SLC16A8: variants seen among roughly 807,000 people sequenced by gnomAD.
SLC16A8 encodes monocarboxylate transporter 3.
Under a neutral mutation model 22.4 loss-of-function variants are expected in SLC16A8, and 20 were observed. The observed-to-expected ratio is 0.89, with a 90% CI of 0.63 to 1.30. The LOEUF (loss-of-function observed/expected upper bound fraction) is 1.30, where lower values mean the gene tolerates loss of function less well. SLC16A8 is among the 50% of genes most tolerant of loss of function. The pLI is 0.00. For missense variants in SLC16A8, 817 were observed against 740.3 expected (o/e 1.10, Z -1.20); for synonymous variants, 393 against 358.8 (o/e 1.10, Z -1.08).
rs776729902 is a variant in SLC16A8 at position 38,082,795 on chromosome 22, C to G, written c.79G>C (p.Val27Leu). The G allele has an allele frequency of 6.3e-7, 1 of 1,595,228 alleles. No homozygotes were observed. The highest frequency in any genetic ancestry group is 1.7e-5 in the Admixed American group (1 of 57,182). ...AAGCCGTAGGCGAAGCCGGTGACCA[C>G]AAAGCAGGCGCCCAGCACCACCCAG... ...WGWVVLGACF[V>L]VTGFAYGFPK... Residue 27 changes from valine to leucine, a missense_variant, in exon 3 of 6, where the codon GTG (valine) becomes CTG (leucine). Val to Leu is a conservative substitution (Grantham distance 32, BLOSUM62 1). Transcript: ENST00000681075.
In SLC16A8 at chr22:38,081,287, G is replaced by C. The variant is rs747183614; in HGVS notation, c.751C>G (p.Arg251Gly). ...RLLDLAVCTD[R>G]AFAVYAVTKF... is the part of the protein sequence containing the mutation. ...GTGACGGCGTACACGGCGAAGGCGC[G>C]GTCGGTGCACACTGCCAAGTCCAGC... The change falls in exon 5 of 6, where the codon CGC becomes GGC. Residue 251 changes from arginine to glycine, a missense_variant. Arg to Gly is a moderately radical substitution (Grantham distance 125). Coordinates refer to ENST00000681075, the MANE Select transcript of SLC16A8 (RefSeq NM_013356.3). The C allele has an allele frequency of 1.3e-6, 2 of 1,572,284 alleles. No individual in the cohort carries two copies. Among genetic ancestry groups the C allele is most frequent in the Admixed American group, 1.8e-5 (1 of 55,798 alleles).
Position 38,081,396 on chromosome 22 carries a change from CCCGGCGCGGTCG to C in SLC16A8, c.630_641del (p.Arg212_Asp215del), listed in dbSNP as rs995463527. 7.3e-7 allele frequency: 1 copy of C among 1,369,080 alleles called. No homozygotes were observed. Among genetic ancestry groups the C allele is most frequent in the Non-Finnish European group, 9.4e-7 (1 of 1,066,536 alleles). The allele number at this position is 1,369,080 out of a possible 1,614,324, so 84.8% of individuals were successfully genotyped here. On this transcript the variant is annotated inframe_deletion, in exon 5 of 6. Coordinates refer to ENST00000681075, the MANE Select transcript of SLC16A8 (RefSeq NM_013356.3). ...CAGCCTCCGCCTCGCCCGGAGCGTC[CCCGGCGCGGTCG>C]CCGGCGCTGTCCCTGCGCGGTCGCG...
chr22:38,082,126 G>A lies in SLC16A8; in HGVS notation c.215-94C>T, dbSNP rs543704073. ...TCCGGCTCAGGGACACAGAGAGGAG[G>A]GCAGTGTCTGGCCAAGGTCACACAG... On this transcript the variant is annotated intron_variant, in intron 3 of 5. Coordinates refer to ENST00000681075, the MANE Select transcript of SLC16A8 (RefSeq NM_013356.3). 1.7e-4 allele frequency: 234 copies of A among 1,367,490 alleles called. No individual in the cohort carries two copies. The East Asian group carries it at 5.1e-3, about 30-fold the overall frequency. 84.7% of individuals were successfully genotyped at this position (1,367,490 alleles called of 1,614,324 possible). A position where few individuals can be genotyped will look rare whatever the true frequency, so the allele number is the denominator to read the frequency against.
chr22:38,082,649 G>C lies in SLC16A8; in HGVS notation c.214+11C>G. On this transcript the variant is annotated intron_variant, in intron 3 of 5. Transcript: ENST00000681075. ...TCCCGGGGAGGCGGAGGGCCGGGCG[G>C]GGACACTGACCCGTGCCGTAGAGCA... 6.5e-7 allele frequency: 1 copy of C among 1,545,820 alleles called. No individual in the cohort carries two copies. Among genetic ancestry groups the C allele is most frequent in the Non-Finnish European group, 8.7e-7 (1 of 1,144,288 alleles).
chr22:38,082,745 G>A lies in SLC16A8; in HGVS notation c.129C>T (p.Phe43=). The A allele has an allele frequency of 1.3e-6, 2 of 1,593,200 alleles. No individual in the cohort carries two copies. Among genetic ancestry groups the A allele is most frequent in the South Asian group, 1.1e-5 (1 of 88,648 alleles). The change falls in exon 3 of 6, where the codon TTC becomes TTT. Residue 43 remains phenylalanine (F), a synonymous_variant. Coordinates refer to ENST00000681075, the MANE Select transcript of SLC16A8 (RefSeq NM_013356.3). The part of the protein sequence containing the change: ...YGFPKAVSVF[F]RALMRDFDAG... Reference sequence around the variant, plus strand: ...CGTCGAAGTCGCGCATGAGCGCGCGGAAGAAGACGCTCACGGCTTTGGGGA... The same window carrying A: ...CGTCGAAGTCGCGCATGAGCGCGCGAAAGAAGACGCTCACGGCTTTGGGGA...
chr22:38,079,369 G>A (rs2085887269), intron 5 of SLC16A8, among the ~76,000 whole-genome samples: 1 of 152,066 alleles, frequency 6.6e-6, no homozygotes, highest in South Asian at 2.1e-4. Context: ...CTCCCGACTT[G>A]GCCTCTCAAA....
Position 38,081,420 on chromosome 22 carries a change from C to T in SLC16A8, c.618G>A (p.Arg206=). 1 of 1,302,724 alleles carries T rather than the reference C, an allele frequency of 7.7e-7. No homozygotes were observed. The highest frequency in any genetic ancestry group is 1.6e-5 in the African/African-American group (1 of 64,442). The allele number at this position is 1,302,724 out of a possible 1,614,324, so 80.7% of individuals were successfully genotyped here. Residue 206 remains arginine (R), a synonymous_variant, in exon 5 of 6, where the codon AGG becomes AGA. Transcript: ENST00000681075. ...CCCCGGCGCGGTCGCCGGCGCTGTC[C>T]CTGCGCGGTCGCGGGCCCGGCCCGG... is the stretch of plus-strand genomic sequence containing the variant. ...PPPGPGPRPR[R]DSAGDRAGDA... is the part of the protein sequence containing the mutation.
At position 38,082,708 on chromosome 22, in the gene SLC16A8, C is replaced by T. The variant is rs747603470; in HGVS notation, c.166G>A (p.Asp56Asn). The T allele has an allele frequency of 9.1e-5, 145 of 1,590,462 alleles. No individual in the cohort carries two copies. Among genetic ancestry groups the T allele is most frequent in the Non-Finnish European group, 1.1e-4 (123 of 1,170,376 alleles). The stretch of plus-strand genomic sequence containing the variant: ...ATGATGGAGGACACCCAGGCCGTGT[C>T]GCTGTAGCCGGCGTCGAAGTCGCGC... ...LMRDFDAGYS[D>N]TAWVSSIMLA... The change falls in exon 3 of 6, where the codon GAC becomes AAC. Residue 56 changes from aspartate to asparagine, a missense_variant. Coordinates refer to ENST00000681075, the MANE Select transcript of SLC16A8 (RefSeq NM_013356.3).
At chr22:38,083,461 T>A (rs1236786194) in intron 1 of SLC16A8, 100 bp from the exon 2 acceptor site, 4 of 152,338 alleles carry the variant, frequency 2.6e-5, no homozygotes, top group African/African-American at 9.7e-5. Context: ...ATGGATTCCC[T>A]CCCTGACTTG....
At chr22:38,082,419 G>C (rs1261342839) in intron 3 of SLC16A8, among the ~76,000 whole-genome samples, 1 of 152,214 alleles carries the variant, frequency 6.6e-6, no homozygotes, top group Non-Finnish European at 1.5e-5. Context: ...TACAATGGGC[G>C]GGTGTGGTCT....
In SLC16A8 at chr22:38,081,983, C is replaced by T. The variant is rs1367922336; in HGVS notation, c.264G>A (p.Met88Ile). 14 of 1,572,168 alleles carry T rather than the reference C, an allele frequency of 8.9e-6. No homozygotes were observed. The highest frequency in any genetic ancestry group is 1.2e-5 in the Non-Finnish European group (14 of 1,159,118). The stretch of plus-strand genomic sequence containing the variant: ...CGGAAGCCAGCAGCCCACCCGCCAG[C>T]ATCACCGGGCGACAGCCAAAGCGGG... ...LVTRFGCRPV[M>I]LAGGLLASAG... is the part of the protein sequence containing the mutation. The change falls in exon 4 of 6, where the codon ATG becomes ATA. Residue 88 changes from methionine to isoleucine, a missense_variant. Physicochemically the swap from Met to Ile is conservative, Grantham distance 10. Transcript: ENST00000681075.
rs1232545893 is a variant in SLC16A8 at position 38,081,600 on chromosome 22, G to C, written c.438C>G (p.Asn146Lys). The change falls in exon 5 of 6, where the codon AAC (asparagine) becomes AAG (lysine). Residue 146 changes from asparagine (N) to lysine (K), a missense_variant. Physicochemically the swap from Asn to Lys is moderately conservative, Grantham distance 94 (BLOSUM62 0). Transcript: ENST00000681075. ...CGGGGCTGCCCGCCGCCGCCAGCCCGTTGGCCAGAGGCCGCCGCCGCTCGA... is the reference window on the plus strand; with the variant it reads ...CGGGGCTGCCCGCCGCCGCCAGCCCCTTGGCCAGAGGCCGCCGCCGCTCGA... ...LYFERRRPLANGLAAAGSPVF... is the reference protein window; with the variant it reads ...LYFERRRPLAKGLAAAGSPVF... 6 of 1,517,430 alleles carry C rather than the reference G, an allele frequency of 4.0e-6. No homozygotes were observed. The highest frequency in any genetic ancestry group is 5.3e-6 in the Non-Finnish European group (6 of 1,139,820). 94.0% of individuals were successfully genotyped at this position (1,517,430 alleles called of 1,614,324 possible).
At chr22:38,082,276 A>T (rs1440729657) in intron 3 of SLC16A8, among the ~76,000 whole-genome samples, 1 of 152,224 alleles carries the variant, frequency 6.6e-6, no homozygotes, top group Non-Finnish European at 1.5e-5. Flanking sequence ...ACAGCCTCCA[A>T]GTCCCGCCCT....
In SLC16A8 at chr22:38,078,620, GC is replaced by G. The variant is rs753019610; in HGVS notation, c.1282del (p.Ala428LeufsTer66). ...ACGCAGGCAGCAGTTGGTGGCGACA[GC>G]CATGAAGACCCCAGCCAGGGCCACC... is the stretch of plus-strand genomic sequence containing the variant. Reference protein sequence around the residue: ...SEVALAGVFMAVATNCCLRCA... With the variant: ...SEVALAGVFMXVATNCCLRCA... On this transcript the variant is annotated frameshift_variant, in exon 6 of 6. Coordinates refer to ENST00000681075, the MANE Select transcript of SLC16A8 (RefSeq NM_013356.3). LOFTEE classifies it low-confidence loss of function (END_TRUNC). 1 of 1,614,058 alleles carries G rather than the reference GC, an allele frequency of 6.2e-7. No homozygotes were observed. The highest frequency in any genetic ancestry group is 2.2e-5 in the East Asian group (1 of 44,886).
chr22:38,081,947 G>C lies in SLC16A8; in HGVS notation c.300C>G (p.Ile100Met). ...GGAGGCGCGTGGCAAAGGAAGCTAG[G>C]ATCATGCCCGCGGAAGCCAGCAGCC... ...AGGLLASAGM[I>M]LASFATRLLE... The change falls in exon 4 of 6, where the codon ATC becomes ATG. Residue 100 changes from isoleucine (I) to methionine (M), a missense_variant. Physicochemically the swap from Ile to Met is conservative, Grantham distance 10. Transcript: ENST00000681075. 1.3e-6 allele frequency: 2 copies of C among 1,568,888 alleles called. No homozygotes were observed. The highest frequency in any genetic ancestry group is 1.2e-5 in the South Asian group (1 of 85,538).
chr22:38,081,303 C>G lies in SLC16A8; in HGVS notation c.735G>C (p.Leu245Phe), dbSNP rs758977438. Reference protein sequence around the residue: ...RVRPRRRLLDLAVCTDRAFAV... With the variant: ...RVRPRRRLLDFAVCTDRAFAV... ...CGAAGGCGCGGTCGGTGCACACTGC[C>G]AAGTCCAGCAGGCGCCGGCGGGGCC... Residue 245 changes from leucine to phenylalanine, a missense_variant, in exon 5 of 6, where the codon TTG becomes TTC. Physicochemically the swap from Leu to Phe is conservative, Grantham distance 22 (BLOSUM62 0). Coordinates refer to ENST00000681075, the MANE Select transcript of SLC16A8 (RefSeq NM_013356.3). 1.3e-6 allele frequency: 2 copies of G among 1,542,456 alleles called. No homozygotes were observed. Among genetic ancestry groups the G allele is most frequent in the Non-Finnish European group, 1.7e-6 (2 of 1,143,658 alleles).
At chr22:38,082,979 C>T in intron 2 of SLC16A8, 63 bp downstream of exon 2, 1 of 777,874 alleles carries the variant, frequency 1.3e-6, no homozygotes, top group South Asian at 1.8e-5. Flanking sequence ...AGGCACAGGG[C>T]TACCCACGTG....
At chr22:38,081,842 A>AACCCCCG in intron 4 of SLC16A8, 47 bp downstream of exon 4, 5 of 1,552,710 alleles carry the variant, frequency 3.2e-6, no homozygotes, top group Non-Finnish European at 4.4e-6. Flanking sequence ...TTGCAGCAAG[A>AACCCCCG]ACCCCCGACC....
Position 38,083,067 on chromosome 22 carries a change from G to A in SLC16A8, c.-34C>T, listed in dbSNP as rs1474246194. 5 of 588,890 alleles carry A rather than the reference G, an allele frequency of 8.5e-6. No individual in the cohort carries two copies. The East Asian group carries it at 1.4e-4, about 16-fold the overall frequency. The allele number at this position is 588,890 out of a possible 1,614,324, so 36.5% of individuals were successfully genotyped here. ...CCCAAGTCTCCTTCTCCTGCAAAGG[G>A]CGCTGAAGGACGAGGGGAGGACGAC... On this transcript the variant is annotated 5_prime_UTR_variant, in exon 2 of 6. Coordinates refer to ENST00000681075, the MANE Select transcript of SLC16A8 (RefSeq NM_013356.3).
Sources: gnomAD v4.1 joint callset for allele counts (sites outside exome capture counted in the v4.1 genomes callset) on GRCh38, gnomAD v4.1.1 for gene constraint, MANE v1.5 for transcripts, NCBI Gene and HGNC (gene_info 2026-07-23, HGNC 2026-07-21) for gene names.